DIAPH3: variants seen among roughly 807,000 people sequenced by gnomAD.
DIAPH3 encodes protein diaphanous homolog 3.
In DIAPH3, 117 loss-of-function variants were observed where a neutral mutation model predicts 144.3. The observed-to-expected ratio is 0.81, with a 90% CI of 0.70 to 0.95. The LOEUF is 0.95. Ranked by LOEUF, DIAPH3 falls within the 40% of genes least tolerant of loss-of-function variation. The pLI, the probability that DIAPH3 is intolerant of heterozygous loss-of-function variation, is 0.00. For synonymous variants in DIAPH3, 519 were observed against 488.9 expected (o/e 1.06, Z -0.81); for missense variants, 1,421 against 1,412.7 (o/e 1.01, Z -0.09).
chr13:59,785,255 C>T (rs2038973594), intron 25 of DIAPH3, among the ~76,000 whole-genome samples: 2 of 151,864 alleles, frequency 1.3e-5, no homozygotes, highest in Admixed American at 6.6e-5. Flanking sequence ...GTTTTTTTCT[C>T]CCTTATTCGT....
At chr13:60,002,981 T>C (rs527363884) in intron 9 of DIAPH3, among the ~76,000 whole-genome samples, 25 of 152,244 alleles carry the variant, frequency 1.6e-4, no homozygotes, top group Middle Eastern at 3.4e-3. Context: ...CGGCAGAAAC[T>C]AGAGATTGGT....
At chr13:60,124,161 G>T (rs1419397246) in intron 2 of DIAPH3, among the ~76,000 whole-genome samples, 1 of 152,138 alleles carries the variant, frequency 6.6e-6, no homozygotes, top group Non-Finnish European at 1.5e-5. Context: ...CGAGGAAGAA[G>T]GCCCAGAGAA....
intron 20 of DIAPH3, among the ~76,000 whole-genome samples, chr13:59,898,997 T>G (rs1199323271): frequency 6.6e-6 from 1 of 152,198 alleles, no homozygotes; most frequent in East Asian, 1.9e-4. Flanking sequence ...CTAGACTGAC[T>G]TAAGTCTCCT....
intron 9 of DIAPH3, among the ~76,000 whole-genome samples, chr13:59,998,171 C>T (rs1379140111): frequency 1.3e-5 from 2 of 151,966 alleles, no homozygotes; most frequent in Admixed American, 6.6e-5. Context: ...GCATATACCC[C>T]ACATTGACTC....
chr13:59,722,278 C>T (rs1189006312), intron 27 of DIAPH3, among the ~76,000 whole-genome samples: 1 of 152,114 alleles, frequency 6.6e-6, no homozygotes, highest in East Asian at 1.9e-4. Context: ...TTGATTTTTC[C>T]CTTTGGTAGG....
rs374730920 is a variant in DIAPH3, at chr13:60,155,048, C to T, written c.180+8539G>A. On this transcript the variant is annotated intron_variant, in intron 1 of 27. Transcript: ENST00000400324. ...ATAAATATATAAAGATTCTAGGACACAGCAATAAAGTTACGCCATAAAGTA... is the reference window on the plus strand; with the variant it reads ...ATAAATATATAAAGATTCTAGGACATAGCAATAAAGTTACGCCATAAAGTA... Among the ~76,000 whole-genome samples the T allele has an allele frequency of 3.9e-5, 6 of 152,248 alleles. No individual in the cohort carries two copies. In the South Asian group the frequency reaches 1.0e-3, roughly 26 times the overall value.
chr13:59,966,079 CA>C (rs1328768260), intron 17 of DIAPH3, among the ~76,000 whole-genome samples: 1 of 151,972 alleles, frequency 6.6e-6, no homozygotes, highest in Non-Finnish European at 1.5e-5. Context: ...AGCTACTTAA[CA>C]GCAAAATAAA....
intron 2 of DIAPH3, among the ~76,000 whole-genome samples, chr13:60,119,260 T>C (rs1594716785): frequency 6.6e-6 from 1 of 152,174 alleles, no homozygotes; most frequent in Non-Finnish European, 1.5e-5. Context: ...GACAAAGAAT[T>C]GAGGGCTTCC....
chr13:59,717,684 CT>C (rs2035129460), intron 27 of DIAPH3, among the ~76,000 whole-genome samples: 2 of 152,128 alleles, frequency 1.3e-5, no homozygotes, highest in Admixed American at 1.3e-4. Flanking sequence ...TACTGGTTGG[CT>C]TTCCCATATA....
At chr13:59,830,267 A>C (rs1239762937) in intron 24 of DIAPH3, among the ~76,000 whole-genome samples, 4 of 151,780 alleles carry the variant, frequency 2.6e-5, no homozygotes, top group Non-Finnish European at 5.9e-5. Flanking sequence ...ATTTTGTCTA[A>C]AATTTAAACA....
At chr13:59,788,202 A>G (rs1386912327) in intron 25 of DIAPH3, among the ~76,000 whole-genome samples, 2 of 152,230 alleles carry the variant, frequency 1.3e-5, no homozygotes, top group Admixed American at 6.5e-5. Flanking sequence ...CATAGCAACA[A>G]TGAAAAATTA....
At position 59,782,821 on chromosome 13, in the gene DIAPH3, C is replaced by T. The variant is rs1269320904; in HGVS notation, c.3164-7998G>A. On this transcript the variant is annotated intron_variant, in intron 25 of 27. Transcript: ENST00000400324. ...GACTTAAAGAACCGATTTAAGAGTG[C>T]CAGAGCTGTCAAAAGAGACAAGACC... Among the ~76,000 whole-genome samples, 4 of 152,150 alleles carry T rather than the reference C, an allele frequency of 2.6e-5. No individual in the cohort carries two copies. In the South Asian group the frequency reaches 8.3e-4, roughly 32 times the overall value.
intron 27 of DIAPH3, among the ~76,000 whole-genome samples, chr13:59,764,697 C>T (rs183889574): frequency 1.3e-5 from 2 of 151,210 alleles, no homozygotes; most frequent in Admixed American, 6.6e-5. Context: ...GAGACATACA[C>T]TGGAGTGATG....
intron 27 of DIAPH3, among the ~76,000 whole-genome samples, chr13:59,728,523 G>A (rs2035717726): frequency 1.3e-5 from 2 of 151,994 alleles, no homozygotes; most frequent in African/African-American, 4.8e-5. Context: ...GAAATTGTGT[G>A]TATAAGGGAC....
chr13:60,068,551 G>C (rs976212045), intron 4 of DIAPH3, among the ~76,000 whole-genome samples: 1 of 151,862 alleles, frequency 6.6e-6, no homozygotes, highest in African/African-American at 2.4e-5. Flanking sequence ...TTTGTTACTT[G>C]GATAAACTGC....
At chr13:59,675,182 T>C (rs2032576429) in intron 27 of DIAPH3, among the ~76,000 whole-genome samples, 1 of 152,090 alleles carries the variant, frequency 6.6e-6, no homozygotes, top group African/African-American at 2.4e-5. Context: ...CCTCTTGTCT[T>C]GGCCTTCGGA....
chr13:60,156,941 T>TATATATATA (rs1566834028), intron 1 of DIAPH3, among the ~76,000 whole-genome samples: 17 of 27,390 alleles, frequency 6.2e-4, no homozygotes, highest in African/African-American at 2.0e-3. Context: ...ATATATATAT[T>TATATATATA]TTTTTTTTTT....
chr13:60,014,607 A>T (rs1222377629), intron 7 of DIAPH3, among the ~76,000 whole-genome samples: 1 of 152,126 alleles, frequency 6.6e-6, no homozygotes, highest in Non-Finnish European at 1.5e-5. Flanking sequence ...AAAATAAATC[A>T]ATAATTTACG....
intron 3 of DIAPH3, among the ~76,000 whole-genome samples, chr13:60,099,834 G>A (rs989343121): frequency 3.3e-5 from 5 of 150,742 alleles, no homozygotes; most frequent in Admixed American, 2.0e-4. Context: ...CATTCAATAC[G>A]TGGGAACACA....
Sources: allele counts gnomAD v4.1 joint callset (sites outside exome capture counted in the v4.1 genomes callset), GRCh38; gene constraint gnomAD v4.1.1; transcripts MANE v1.5; gene names NCBI Gene and HGNC (gene_info 2026-07-23, HGNC 2026-07-21).